CDYL: variants seen among roughly 807,000 people sequenced by gnomAD.
CDYL encodes chromodomain Y-like protein.
Under a neutral mutation model 47.3 loss-of-function variants are expected in CDYL, and 8 were observed. The ratio of observed to expected loss-of-function variants is 0.17; its 90% CI spans 0.10 to 0.31. The LOEUF (loss-of-function observed/expected upper bound fraction) is 0.31. Among genes scored for constraint, CDYL ranks in the 10% least tolerant of loss-of-function variants. The pLI is 1.00. For missense variants in CDYL, 471 were observed against 701.4 expected, an observed-to-expected ratio of 0.67 and a Z score of 3.71; for synonymous variants, 266 against 265.0, an observed-to-expected ratio of 1.00 and a Z score of -0.04.
At chr6:4,948,685 C>A (rs1389062309) in intron 5 of CDYL, among the ~76,000 whole-genome samples, 1 of 152,196 alleles carries the variant, frequency 6.6e-6, no homozygotes. Flanking sequence ...CCCCACAGGA[C>A]AGCCCCCACA....
At chr6:4,925,204 G>A (rs932321503) in intron 2 of CDYL, among the ~76,000 whole-genome samples, 1 of 152,126 alleles carries the variant, frequency 6.6e-6, no homozygotes, top group Non-Finnish European at 1.5e-5. Context: ...GCATAAATGT[G>A]TGACATTCGC....
intron 1 of CDYL, among the ~76,000 whole-genome samples, chr6:4,830,165 A>G (rs1227222316): frequency 6.6e-6 from 1 of 152,266 alleles, no homozygotes; most frequent in Non-Finnish European, 1.5e-5. Flanking sequence ...CGTAAGCACC[A>G]TCCCTGCAAC....
chr6:4,858,020 G>C (rs1201250035), intron 1 of CDYL, among the ~76,000 whole-genome samples: 5 of 116,300 alleles, frequency 4.3e-5, no homozygotes, highest in Non-Finnish European at 8.1e-5. Flanking sequence ...TTGTCCCATT[G>C]ACTTAAGCTT....
At chr6:4,820,177 A>G (rs562219131) in intron 1 of CDYL, among the ~76,000 whole-genome samples, 2 of 152,220 alleles carry the variant, frequency 1.3e-5, no homozygotes, top group East Asian at 1.9e-4. Context: ...ATTTTCCCCA[A>G]AAGTGCATAA....
chr6:4,954,156 AC>A lies in CDYL; in HGVS notation c.*103del. 7.7e-7 allele frequency: 1 copy of A among 1,303,032 alleles called. No homozygotes were observed. The highest frequency in any genetic ancestry group is 1.0e-6 in the Non-Finnish European group (1 of 957,834). The allele number at this position is 1,303,032 out of a possible 1,614,324, so 80.7% of individuals were successfully genotyped here. A position where few individuals can be genotyped will look rare whatever the true frequency, so the allele number is the denominator to read the frequency against. On this transcript the variant is annotated 3_prime_UTR_variant, in exon 7 of 7. Coordinates refer to ENST00000397588, the MANE Select transcript of CDYL (RefSeq NM_004824.4). ...CATTCTCACAGCCTGAAACAAGCTC[AC>A]CCGTAGCTTACGCTTGGAAGCAGGA... is the stretch of plus-strand genomic sequence containing the variant.
chr6:4,716,979 T>C (rs7760489), intron 2 of CDYL, among the ~76,000 whole-genome samples: 38,785 of 151,926 alleles, frequency 0.26, 5,236 homozygotes, highest in African/African-American at 0.33. Flanking sequence ...TACATCTCAT[T>C]GGGAAAGACT....
upstream of CDYL, chr6:4,773,306 A>G (rs1230951536): frequency 2.6e-6 from 1 of 378,996 alleles, no homozygotes; most frequent in South Asian, 2.0e-5. This position sits in a 1 kb window ranked among gnomAD's most constrained non-coding sequence, Gnocchi z 4.6. Context: ...TGCTGTATGT[A>G]TTTTTGCTGC....
At chr6:4,838,020 C>G (rs766289414) in intron 1 of CDYL, among the ~76,000 whole-genome samples, 1 of 151,974 alleles carries the variant, frequency 6.6e-6, no homozygotes, top group Non-Finnish European at 1.5e-5. Context: ...TCAAGCAATC[C>G]GCTTTCCTCA....
At chr6:4,853,507 C>T (rs1379126001) in intron 1 of CDYL, among the ~76,000 whole-genome samples, 1 of 152,076 alleles carries the variant, frequency 6.6e-6, no homozygotes, top group Non-Finnish European at 1.5e-5. Flanking sequence ...TTCTCATTCC[C>T]CTCCTCCTCC....
rs1280010472 is a variant in CDYL, at chr6:4,715,692, T to C, written c.-38-49T>C. The stretch of plus-strand genomic sequence containing the variant: ...CATTAAATGCCATGAGCCTTGGGTT[T>C]TTTCCCATGTACTGTAGTAAATTCC... On this transcript the variant is annotated intron_variant, in intron 1 of 8. Coordinates refer to the CDYL transcript ENST00000328908. The C allele has an allele frequency of 7.8e-6, 12 of 1,539,466 alleles. No individual in the cohort carries two copies. The Admixed American group carries it at 2.3e-4, about 29-fold the overall frequency.
intron 1 of CDYL, among the ~76,000 whole-genome samples, chr6:4,802,698 T>G (rs1759258915): frequency 6.6e-6 from 1 of 152,226 alleles, no homozygotes; most frequent in South Asian, 2.1e-4. Context: ...TGTGCTTTCA[T>G]TGCTTTTAGG....
intron 3 of CDYL, among the ~76,000 whole-genome samples, chr6:4,746,471 G>T (rs1247047870): frequency 6.6e-6 from 1 of 152,020 alleles, no homozygotes; most frequent in Non-Finnish European, 1.5e-5. Flanking sequence ...GTGATGAAAT[G>T]GTGAGACCCA....
At chr6:4,762,283 A>G (rs9504237) in intron 3 of CDYL, among the ~76,000 whole-genome samples, 16,368 of 152,258 alleles carry the variant, frequency 0.11, 967 homozygotes, top group South Asian at 0.14. Context: ...GTGACATTTT[A>G]GTGTTTGAGC....
intron 1 of CDYL, among the ~76,000 whole-genome samples, chr6:4,886,632 T>A (rs994637756): frequency 6.6e-5 from 10 of 151,304 alleles, no homozygotes; most frequent in Non-Finnish European, 1.2e-4. Context: ...ATCAAAACAA[T>A]TTTTTTCCTC....
intron 2 of CDYL, among the ~76,000 whole-genome samples, chr6:4,730,448 G>A (rs1401147958): frequency 3.3e-5 from 5 of 151,952 alleles, no homozygotes; most frequent in Non-Finnish European, 5.9e-5. Context: ...AGGCTGAGGC[G>A]AGCAGATCAC....
intron 2 of CDYL, among the ~76,000 whole-genome samples, chr6:4,728,338 C>T (rs1035551571): frequency 6.6e-6 from 1 of 152,216 alleles, no homozygotes; most frequent in Non-Finnish European, 1.5e-5. Flanking sequence ...TGTGCCAGGG[C>T]ATTCCCAAGC....
At chr6:4,739,876 C>T (rs779738432) in intron 3 of CDYL, among the ~76,000 whole-genome samples, 1 of 151,920 alleles carries the variant, frequency 6.6e-6, no homozygotes, top group Non-Finnish European at 1.5e-5. Context: ...TCGCTAGAAC[C>T]CAGGAGGCAG....
chr6:4,922,989 C>T (rs536994876), intron 2 of CDYL, among the ~76,000 whole-genome samples: 1 of 152,260 alleles, frequency 6.6e-6, no homozygotes, highest in African/African-American at 2.4e-5. Context: ...GTACATATTA[C>T]AATTATTATG....
At chr6:4,811,983 T>A (rs1361493896) in intron 1 of CDYL, among the ~76,000 whole-genome samples, 1 of 152,234 alleles carries the variant, frequency 6.6e-6, no homozygotes, top group Non-Finnish European at 1.5e-5. Context: ...TGCAGGGTGG[T>A]CCATGGACTG....
Sources: gnomAD v4.1 joint callset for allele counts (sites outside exome capture counted in the v4.1 genomes callset) on GRCh38, gnomAD v4.1.1 for gene constraint, Gnocchi (gnomAD v3.1) non-coding constraint, MANE v1.5 for transcripts, NCBI Gene and HGNC (gene_info 2026-07-23, HGNC 2026-07-21) for gene names.